Variants in SMC6 observed in about 807,000 individuals in gnomAD.
The protein encoded by SMC6 is structural maintenance of chromosomes 6.
A neutral mutation model predicts 142.2 loss-of-function variants in SMC6; 79 were observed. The observed-to-expected ratio is 0.56, with a 90% CI of 0.46 to 0.67. The LOEUF (loss-of-function observed/expected upper bound fraction) is 0.67. SMC6 is among the 30% of genes least tolerant of loss of function. The pLI is 0.00. For synonymous variants in SMC6, 411 were observed against 412.4 expected (o/e 1.00, Z 0.04); for missense variants, 1,072 against 1,284.0 (o/e 0.83, Z 2.52).
chr2:17,732,025 G>C (rs902742132), intron 5 of SMC6, 148 bp from the exon 6 acceptor site: 23 of 682,070 alleles, frequency 3.4e-5, no homozygotes, highest in Non-Finnish European at 4.8e-5. Flanking sequence ...GACACTGATT[G>C]TTCACTACAG....
intron 8 of SMC6, among the ~76,000 whole-genome samples, chr2:17,725,680 G>A (rs1042131701): frequency 6.6e-5 from 10 of 152,094 alleles, no homozygotes; most frequent in Admixed American, 3.9e-4. Flanking sequence ...GACTGGCATC[G>A]TTGGTCTTAG....
chr2:17,747,458 AT>A (rs1670809332), intron 2 of SMC6, among the ~76,000 whole-genome samples: 1 of 150,970 alleles, frequency 6.6e-6, no homozygotes, highest in Non-Finnish European at 1.5e-5. Flanking sequence ...GTCTATCAAT[AT>A]TTATTATATT....
chr2:17,748,439 A>G (rs10197532), intron 2 of SMC6, among the ~76,000 whole-genome samples: 48 of 152,318 alleles, frequency 3.2e-4, no homozygotes, highest in Admixed American at 8.5e-4. Flanking sequence ...CCAAAGAAGG[A>G]TATTTAACCT....
intron 23 of SMC6, among the ~76,000 whole-genome samples, chr2:17,684,343 A>G (rs962927110): frequency 2.0e-5 from 3 of 152,180 alleles, no homozygotes; most frequent in African/African-American, 4.8e-5. Context: ...TCTCCTTCAA[A>G]TAACTGGCCC....
intron 23 of SMC6, among the ~76,000 whole-genome samples, chr2:17,686,837 G>A (rs1441322186): frequency 6.6e-6 from 1 of 152,132 alleles, no homozygotes; most frequent in African/African-American, 2.4e-5. Flanking sequence ...TTGTTTACAT[G>A]GATGGCTAAG....
chr2:17,729,835 T>C (rs1239310119), intron 7 of SMC6, among the ~76,000 whole-genome samples: 2 of 152,188 alleles, frequency 1.3e-5, no homozygotes, highest in African/African-American at 2.4e-5. Context: ...AAATTCAATT[T>C]CTTAGTCACA....
intron 26 of SMC6, among the ~76,000 whole-genome samples, chr2:17,669,528 A>G (rs1434638884): frequency 2.6e-5 from 4 of 152,228 alleles, no homozygotes; most frequent in African/African-American, 9.6e-5. Context: ...TAGGGGAGGC[A>G]GCTTGGCAGA....
Position 17,695,085 on chromosome 2 carries a change from T to C in SMC6, c.2678+67A>G, listed in dbSNP as rs537985060. On this transcript the variant is annotated intron_variant, in intron 23 of 27. Transcript: ENST00000448223. ...TTCAAATTTAAGACATGTATATGTTTTTCATTTTTTGTCTTGATGATATGC... is the reference window on the plus strand; with the variant it reads ...TTCAAATTTAAGACATGTATATGTTCTTCATTTTTTGTCTTGATGATATGC... 1.5e-5 allele frequency: 24 copies of C among 1,560,062 alleles called. No individual in the cohort carries two copies. The African/African-American group carries it at 3.1e-4, about 20-fold the overall frequency.
intron 12 of SMC6, among the ~76,000 whole-genome samples, chr2:17,717,627 C>T (rs572255629): frequency 3.3e-5 from 5 of 152,022 alleles, no homozygotes; most frequent in Non-Finnish European, 4.4e-5. Context: ...GCTGAGATTG[C>T]GCCACTGCAC....
intron 4 of SMC6, among the ~76,000 whole-genome samples, chr2:17,740,270 GAC>G (rs1358755890): frequency 6.6e-6 from 1 of 152,132 alleles, no homozygotes; most frequent in African/African-American, 2.4e-5. Context: ...TTCTCCTAGA[GAC>G]ACTTTCTTCC....
chr2:17,673,247 CTCTT>C (rs1666848798), intron 25 of SMC6, among the ~76,000 whole-genome samples: 1 of 152,092 alleles, frequency 6.6e-6, no homozygotes. Flanking sequence ...TGATGTCAGT[CTCTT>C]TCTTACTATT....
intron 7 of SMC6, among the ~76,000 whole-genome samples, chr2:17,730,463 C>G (rs910638911): frequency 6.7e-6 from 1 of 150,332 alleles, no homozygotes; most frequent in East Asian, 1.9e-4. Context: ...TTGACTAGGA[C>G]AGCAAAAAGC....
At position 17,670,414 on chromosome 2, in the gene SMC6, T is replaced by C. The variant is rs1666701509; in HGVS notation, c.3063+9A>G. 1.9e-6 allele frequency: 3 copies of C among 1,599,014 alleles called. No homozygotes were observed. Among genetic ancestry groups the C allele is most frequent in the African/African-American group, 2.7e-5 (2 of 73,702 alleles). On this transcript the variant is annotated intron_variant, in intron 26 of 27. Transcript: ENST00000448223. ...AAAATGAAAAAGAGAATTTAAAATT[T>C]AACAATACCATGTAGACATCAAATT...
chr2:17,683,446 T>A (rs1667319347), intron 24 of SMC6, among the ~76,000 whole-genome samples, 192 bp downstream of exon 24: 1 of 151,850 alleles, frequency 6.6e-6, no homozygotes. Context: ...TCTAACAGAG[T>A]GGAAAAGTTG....
At chr2:17,740,601 T>C in intron 4 of SMC6, 1 of 319,382 alleles carries the variant, frequency 3.1e-6, no homozygotes, top group Non-Finnish European at 6.1e-6. Context: ...CACCTGTTAA[T>C]CCCAGCACTC....
chr2:17,708,666 T>A lies in SMC6; in HGVS notation c.1818A>T (p.Arg606Ser). Residue 606 changes from arginine (R) to serine (S), a missense_variant, in exon 17 of 28, where the codon AGA becomes AGT. By Grantham distance (110) the Arg-to-Ser change is moderately radical. Transcript: ENST00000448223. ...TGATTAGTAGCACTGTCTCTATGCC[T>A]CTCATGTCAATTAGGCTATTTGCCA... Reference protein sequence around the residue: ...AVVANSLIDMRGIETVLLIKN... With the variant: ...AVVANSLIDMSGIETVLLIKN... 1 of 1,537,832 alleles carries A rather than the reference T, an allele frequency of 6.5e-7. No homozygotes were observed. The highest frequency in any genetic ancestry group is 1.3e-5 in the South Asian group (1 of 78,690).
intron 3 of SMC6, among the ~76,000 whole-genome samples, chr2:17,742,423 GAAT>G (rs370805315): frequency 2.7e-4 from 41 of 152,210 alleles, no homozygotes; most frequent in African/African-American, 7.7e-4. Flanking sequence ...CGTAAAACAG[GAAT>G]AATATTTCCT....
At chr2:17,676,111 T>C (rs1233886397) in intron 25 of SMC6, among the ~76,000 whole-genome samples, 3 of 152,178 alleles carry the variant, frequency 2.0e-5, no homozygotes, top group Non-Finnish European at 4.4e-5. Flanking sequence ...TTCTGTTGTG[T>C]CCAGTTGGCT....
At chr2:17,683,269 T>C (rs1667311840) in intron 24 of SMC6, among the ~76,000 whole-genome samples, 2 of 152,218 alleles carry the variant, frequency 1.3e-5, no homozygotes, top group African/African-American at 4.8e-5. Context: ...GTCATTCTAG[T>C]AGATTATGGT....
Sources: gnomAD v4.1 joint callset for allele counts (sites outside exome capture counted in the v4.1 genomes callset) on GRCh38, gnomAD v4.1.1 for gene constraint, MANE v1.5 for transcripts, NCBI Gene and HGNC (gene_info 2026-07-23, HGNC 2026-07-21) for gene names.